ANTXR2: variants seen among roughly 807,000 people sequenced by gnomAD.
ANTXR2 encodes anthrax toxin receptor 2.
Under a neutral mutation model 73.7 loss-of-function variants are expected in ANTXR2, and 44 were observed. The ratio of observed to expected loss-of-function variants is 0.60; its 90% CI spans 0.47 to 0.77. ANTXR2 has a LOEUF of 0.77. Ranked by LOEUF, ANTXR2 falls within the 30% of genes least tolerant of loss-of-function variation. ANTXR2 has a pLI of 0.00. For synonymous variants in ANTXR2, 217 were observed against 205.9 expected (o/e 1.05, Z -0.46); for missense variants, 604 against 592.5 (o/e 1.02, Z -0.20).
chr4:80,042,670 T>C (rs1449319431), intron 7 of ANTXR2, among the ~76,000 whole-genome samples: 1 of 152,088 alleles, frequency 6.6e-6, no homozygotes, highest in African/African-American at 2.4e-5. Flanking sequence ...ATTGATAATA[T>C]TGTAAACTCA....
At chr4:80,055,241 G>C (rs368446611) in intron 5 of ANTXR2, 23 bp from the exon 6 acceptor site, 2 of 1,557,990 alleles carry the variant, frequency 1.3e-6, no homozygotes, top group Non-Finnish European at 1.7e-6. Flanking sequence ...AGGAGGGAAA[G>C]AGAGAAAAAA....
chr4:80,071,666 A>G lies in ANTXR2; in HGVS notation c.153-12T>C, dbSNP rs1454310706. The G allele has an allele frequency of 3.1e-6, 5 of 1,599,466 alleles. No individual in the cohort carries two copies. Among genetic ancestry groups the G allele is most frequent in the Non-Finnish European group, 4.3e-6 (5 of 1,167,056 alleles). ...CCACACTCCCAGACCTGAAAGATGAAATTGAACTGATCAGAGAAACAAAAC... is the reference window on the plus strand; with the variant it reads ...CCACACTCCCAGACCTGAAAGATGAGATTGAACTGATCAGAGAAACAAAAC... On this transcript the variant is annotated splice_polypyrimidine_tract_variant and intron_variant, in intron 1 of 16. Coordinates refer to ENST00000403729, the MANE Select transcript of ANTXR2 (RefSeq NM_058172.6).
At chr4:80,017,453 C>G (rs1322214946) in intron 11 of ANTXR2, among the ~76,000 whole-genome samples, 1 of 152,144 alleles carries the variant, frequency 6.6e-6, no homozygotes, top group Non-Finnish European at 1.5e-5. Context: ...GATCATTTTT[C>G]TGAAATCTCC....
At chr4:80,010,783 A>C (rs1731533332) in intron 11 of ANTXR2, among the ~76,000 whole-genome samples, 1 of 152,186 alleles carries the variant, frequency 6.6e-6, no homozygotes, top group African/African-American at 2.4e-5. Context: ...AATATTATGC[A>C]TCTCCAGATA....
chr4:79,985,101 C>A (rs1027505285), intron 12 of ANTXR2, among the ~76,000 whole-genome samples: 3 of 151,924 alleles, frequency 2.0e-5, no homozygotes, highest in African/African-American at 7.3e-5. Flanking sequence ...GTAATCCCAG[C>A]ACTTTGGGAA....
chr4:80,067,011 C>T lies in ANTXR2; in HGVS notation c.296+2425G>A, dbSNP rs572973463. On this transcript the variant is annotated intron_variant, in intron 3 of 16. Coordinates refer to ENST00000403729, the MANE Select transcript of ANTXR2 (RefSeq NM_058172.6). ...AGGAGATCAGGAGATCGAGACCATC[C>T]CGGCTAACACGGTGAAACCCCGTCT... is the stretch of plus-strand genomic sequence containing the variant. Among the ~76,000 whole-genome samples, 3 of 152,134 alleles carry T rather than the reference C, an allele frequency of 2.0e-5. No individual in the cohort carries two copies. In the South Asian group the frequency reaches 6.2e-4, roughly 32 times the overall value.
At chr4:79,943,739 A>AT (rs1207855289) in intron 16 of ANTXR2, among the ~76,000 whole-genome samples, 1 of 147,256 alleles carries the variant, frequency 6.8e-6, no homozygotes, top group East Asian at 3.3e-4. Context: ...GTATAATAAA[A>AT]AAAAAAATAA....
intron 16 of ANTXR2, among the ~76,000 whole-genome samples, chr4:79,934,459 A>G (rs62298563): frequency 0.55 from 83,237 of 151,538 alleles, 25,892 homozygotes; most frequent in East Asian, 0.96. Flanking sequence ...CCTGGGAGGC[A>G]GAGGTTGCAA....
At chr4:80,001,421 A>G (rs1054550141) in intron 12 of ANTXR2, among the ~76,000 whole-genome samples, 1 of 150,944 alleles carries the variant, frequency 6.6e-6, no homozygotes, top group Non-Finnish European at 1.5e-5. Context: ...CACAAGAACA[A>G]AAAACCAAAC....
At chr4:80,019,864 G>A (rs1472600242) in intron 10 of ANTXR2, among the ~76,000 whole-genome samples, 1 of 152,024 alleles carries the variant, frequency 6.6e-6, no homozygotes, top group Non-Finnish European at 1.5e-5. Flanking sequence ...TTGAAAATAT[G>A]ATTTCAAATT....
At chr4:79,986,845 A>T (rs576567545) in intron 12 of ANTXR2, among the ~76,000 whole-genome samples, 2 of 152,344 alleles carry the variant, frequency 1.3e-5, no homozygotes, top group Admixed American at 1.3e-4. Context: ...GCCCAGTCCC[A>T]GTCCCCAAGG....
At chr4:79,949,170 AAGAC>A (rs1353401888) in intron 16 of ANTXR2, among the ~76,000 whole-genome samples, 1 of 152,176 alleles carries the variant, frequency 6.6e-6, no homozygotes. Flanking sequence ...TAAAAAAGGA[AAGAC>A]AGAGGACGCA....
chr4:80,022,782 C>T (rs1456478433), intron 10 of ANTXR2, among the ~76,000 whole-genome samples: 2 of 152,092 alleles, frequency 1.3e-5, no homozygotes, highest in African/African-American at 2.4e-5. Flanking sequence ...TTTTTATTTG[C>T]CCCAAGGATC....
At chr4:80,021,098 G>A (rs1578162268) in intron 10 of ANTXR2, among the ~76,000 whole-genome samples, 2 of 131,494 alleles carry the variant, frequency 1.5e-5, no homozygotes, top group East Asian at 4.8e-4. Context: ...GCAGTGAGCC[G>A]AGATCACACC....
At chr4:79,924,979 T>G (rs1325603180) in intron 16 of ANTXR2, among the ~76,000 whole-genome samples, 3 of 152,162 alleles carry the variant, frequency 2.0e-5, no homozygotes, top group Admixed American at 2.0e-4. Context: ...TTTGTTTGAA[T>G]GGCATCCCTG....
intron 16 of ANTXR2, among the ~76,000 whole-genome samples, chr4:79,943,422 C>T (rs1270321678): frequency 2.8e-3 from 42 of 15,040 alleles, no homozygotes; most frequent in African/African-American, 0.01. Context: ...ATGATGAGTT[C>T]ATATCCTTTG....
In ANTXR2 at chr4:79,990,671, C is replaced by A. The variant is rs370622588; in HGVS notation, c.1042-5808G>T. Among the ~76,000 whole-genome samples, 6 of 151,996 alleles carry A rather than the reference C, an allele frequency of 3.9e-5. No individual in the cohort carries two copies. In the South Asian group the frequency reaches 1.0e-3, roughly 26 times the overall value. On this transcript the variant is annotated intron_variant, in intron 12 of 16. Transcript: ENST00000403729. ...TGGAACCAGAAGAGAACCTGAATAG[C>A]CAAAGCTATCCTAAGCAAAAAGAAA...
chr4:80,072,198 G>C (rs1401296019), intron 1 of ANTXR2, among the ~76,000 whole-genome samples: 1 of 152,154 alleles, frequency 6.6e-6, no homozygotes, highest in Non-Finnish European at 1.5e-5. Context: ...GAGCCAAGTA[G>C]CCCGGGGCTC....
In ANTXR2 at chr4:79,984,830, C is replaced by CA. The variant is rs1294069230; in HGVS notation, c.1074dup (p.Ala359CysfsTer13). ...AGGCACTCACTTACCTCTTTTGGTG[C>CA]AGGGGCGGGTGGTGGTGGAGGATCC... is the stretch of plus-strand genomic sequence containing the variant. On this transcript the variant is annotated frameshift_variant, in exon 13 of 17. Transcript: ENST00000403729. LOFTEE classifies it high-confidence loss of function. 22 of 1,608,026 alleles carry CA rather than the reference C, an allele frequency of 1.4e-5. No homozygotes were observed. Among genetic ancestry groups the CA allele is most frequent in the Non-Finnish European group, 1.9e-5 (22 of 1,177,102 alleles).
Sources: allele counts gnomAD v4.1 joint callset (sites outside exome capture counted in the v4.1 genomes callset), GRCh38; gene constraint gnomAD v4.1.1; transcripts MANE v1.5; gene names NCBI Gene and HGNC (gene_info 2026-07-23, HGNC 2026-07-21).